The following FRAS1 variants were observed in gnomAD, a reference collection of about 807,000 sequenced individuals.
FRAS1 encodes the protein extracellular matrix organizing protein FRAS1.
In FRAS1, 290 loss-of-function variants were observed where a neutral mutation model predicts 435.2. That is an observed-to-expected ratio of 0.67 (90% CI 0.61 to 0.73). FRAS1 has a LOEUF of 0.73. Ranked by LOEUF, FRAS1 falls within the 30% of genes least tolerant of loss-of-function variation. FRAS1 has a pLI of 0.00. For synonymous variants in FRAS1, 1,800 were observed against 1,851.0 expected, an observed-to-expected ratio of 0.97 and a Z score of 0.71; for missense variants, 4,860 against 5,001.5, an observed-to-expected ratio of 0.97 and a Z score of 0.85.
chr4:78,276,774 G>T (rs1325379075), intron 9 of FRAS1, among the ~76,000 whole-genome samples: 1 of 152,252 alleles, frequency 6.6e-6, no homozygotes, highest in Non-Finnish European at 1.5e-5. Context: ...GGACCCACTT[G>T]AGGAGGCAGT....
intron 29 of FRAS1, among the ~76,000 whole-genome samples, chr4:78,400,304 T>A (rs2110344563): frequency 6.6e-6 from 1 of 152,332 alleles, no homozygotes; most frequent in Non-Finnish European, 1.5e-5. Context: ...TGTCTGTCTC[T>A]CCCACTAGAC....
In FRAS1 at chr4:78,515,859, G is replaced by A. The variant is rs570546002; in HGVS notation, c.10235G>A (p.Arg3412His). 95 of 1,613,926 alleles carry A rather than the reference G, an allele frequency of 5.9e-5. 2 individuals carry two copies. The South Asian group carries it at 7.8e-4, about 13-fold the overall frequency. The change falls in exon 66 of 74, where the codon CGC becomes CAC. Residue 3412 changes from arginine to histidine, a missense_variant. Coordinates refer to ENST00000512123, the MANE Select transcript of FRAS1 (RefSeq NM_025074.7). ...DSTALGPGYD[R>H]PFQFDPSVRE... is the part of the protein sequence containing the mutation. ...ACTGCCCTGGGGCCTGGCTACGATCGCCCCTTCCAGTTTGACCCCAGCGTG... is the reference window on the plus strand; with the variant it reads ...ACTGCCCTGGGGCCTGGCTACGATCACCCCTTCCAGTTTGACCCCAGCGTG...
intron 2 of FRAS1, among the ~76,000 whole-genome samples, chr4:78,195,376 T>C (rs1391333845): frequency 2.0e-5 from 3 of 152,142 alleles, no homozygotes; most frequent in Middle Eastern, 3.2e-3. Flanking sequence ...AGAGGTGGAG[T>C]CTGCAGAGGC....
chr4:78,114,157 C>A (rs1467366615), intron 2 of FRAS1, among the ~76,000 whole-genome samples: 2 of 152,166 alleles, frequency 1.3e-5, no homozygotes, highest in Non-Finnish European at 2.9e-5. Flanking sequence ...GGCATTACTT[C>A]TGAGGGCTCT....
At chr4:78,122,015 A>C (rs576741638) in intron 2 of FRAS1, among the ~76,000 whole-genome samples, 1 of 152,188 alleles carries the variant, frequency 6.6e-6, no homozygotes, top group South Asian at 2.1e-4. Flanking sequence ...TCTGGGTTAC[A>C]TGTGCAGAAC....
chr4:78,421,773 A>G (rs1733796770), intron 33 of FRAS1, 90 bp from the exon 34 acceptor site: 1 of 1,429,852 alleles, frequency 7.0e-7, no homozygotes, highest in South Asian at 1.3e-5. Context: ...TCAGACTCCC[A>G]CCAACAAGAA....
At chr4:78,259,350 A>G (rs1261287314) in intron 6 of FRAS1, among the ~76,000 whole-genome samples, 1 of 120,256 alleles carries the variant, frequency 8.3e-6, no homozygotes, top group Non-Finnish European at 1.8e-5. Context: ...CTATTTCTCC[A>G]CCTCCTCTCC....
chr4:78,276,324 C>T (rs940364252), intron 9 of FRAS1, among the ~76,000 whole-genome samples: 1 of 152,244 alleles, frequency 6.6e-6, no homozygotes, highest in African/African-American at 2.4e-5. Flanking sequence ...TCGTCAAAGT[C>T]ATTCTCAATC....
chr4:78,113,376 A>C (rs536493484), intron 2 of FRAS1, among the ~76,000 whole-genome samples: 1 of 152,148 alleles, frequency 6.6e-6, no homozygotes, highest in Non-Finnish European at 1.5e-5. Context: ...TGGTATTTCT[A>C]GTTCTAGATC....
intron 53 of FRAS1, among the ~76,000 whole-genome samples, 179 bp downstream of exon 53, chr4:78,473,776 T>G (rs1469277652): frequency 4.9e-5 from 7 of 143,574 alleles, no homozygotes; most frequent in Non-Finnish European, 9.2e-5. Flanking sequence ...TATTAGGTGC[T>G]GCACTAGGAC....
At chr4:78,536,932 C>A in intron 71 of FRAS1, 63 bp from the exon 72 acceptor site, 1 of 1,395,216 alleles carries the variant, frequency 7.2e-7, no homozygotes, top group Non-Finnish European at 1.0e-6. Context: ...CCTTTCAACC[C>A]TTGACATTTG....
chr4:78,311,301 G>A (rs192957225), intron 15 of FRAS1, among the ~76,000 whole-genome samples: 52 of 151,392 alleles, frequency 3.4e-4, no homozygotes, highest in South Asian at 8.4e-4. Flanking sequence ...TATTTTGAGC[G>A]CATATGTATT....
At chr4:78,234,236 A>G in intron 2 of FRAS1, among the ~76,000 whole-genome samples, 1 of 151,516 alleles carries the variant, frequency 6.6e-6, no homozygotes, top group East Asian at 1.9e-4. Flanking sequence ...ATTTTTATTT[A>G]TTTTTTTGAG....
At chr4:78,297,674 A>G (rs968042824) in intron 14 of FRAS1, among the ~76,000 whole-genome samples, 4 of 152,220 alleles carry the variant, frequency 2.6e-5, no homozygotes, top group African/African-American at 9.7e-5. Context: ...CATGTGAGAT[A>G]AAAAGATAGC....
At chr4:78,211,531 G>T (rs1723503393) in intron 2 of FRAS1, among the ~76,000 whole-genome samples, 1 of 152,182 alleles carries the variant, frequency 6.6e-6, no homozygotes, top group South Asian at 2.1e-4. Context: ...GCAAGCATTT[G>T]TCTGAGCACC....
chr4:78,146,446 A>G (rs1297212482), intron 2 of FRAS1, among the ~76,000 whole-genome samples: 1 of 152,114 alleles, frequency 6.6e-6, no homozygotes, highest in East Asian at 1.9e-4. Context: ...ATATTCCATA[A>G]CACCTTCCTG....
intron 14 of FRAS1, among the ~76,000 whole-genome samples, chr4:78,301,193 C>T (rs12511889): frequency 0.28 from 42,828 of 152,004 alleles, 6,729 homozygotes; most frequent in Admixed American, 0.36. Flanking sequence ...CAATTTTGGT[C>T]AGAATCAATG....
rs1048980206 is a variant in FRAS1 at position 78,115,536 on chromosome 4, C to T, written c.108+49520C>T. 4.6e-5 allele frequency among the ~76,000 whole-genome samples: 7 copies of T among 152,288 alleles called. No homozygotes were observed. In the East Asian group the frequency reaches 5.8e-4, roughly 13 times the overall value. ...GTTATTGATCTATTCAGAGATTCAA[C>T]TTCTTCCTGGTTTGGTCTTGGGAGG... On this transcript the variant is annotated intron_variant, in intron 2 of 73. Transcript: ENST00000512123.
chr4:78,532,255 T>A (rs1241044383), intron 70 of FRAS1, among the ~76,000 whole-genome samples: 2 of 152,172 alleles, frequency 1.3e-5, no homozygotes, highest in African/African-American at 4.8e-5. Flanking sequence ...ACCCCAGACC[T>A]TTTTGCCTTT....
Sources: gnomAD v4.1 joint callset for allele counts (sites outside exome capture counted in the v4.1 genomes callset) on GRCh38, gnomAD v4.1.1 for gene constraint, MANE v1.5 for transcripts, NCBI Gene and HGNC (gene_info 2026-07-23, HGNC 2026-07-21) for gene names.